CMYA5: variants seen among roughly 807,000 people sequenced by gnomAD.
CMYA5 encodes cardiomyopathy-associated protein 5.
In CMYA5, 246 loss-of-function variants were observed where a neutral mutation model predicts 318.9. The ratio of observed to expected loss-of-function variants is 0.77; its 90% CI spans 0.70 to 0.86. The LOEUF (loss-of-function observed/expected upper bound fraction) is 0.86, where lower values mean the gene tolerates loss of function less well. Among genes scored for constraint, CMYA5 ranks in the 40% least tolerant of loss-of-function variants. The probability of loss-of-function intolerance (pLI) is 0.00; values close to 1 mark genes in which losing one functional copy is unlikely to be tolerated. For synonymous variants in CMYA5, 1,641 were observed against 1,729.5 expected, an observed-to-expected ratio of 0.95 and a Z score of 1.27; for missense variants, 4,589 against 4,678.2, an observed-to-expected ratio of 0.98 and a Z score of 0.56.
At chr5:79,792,152 C>A (rs1340296230) in intron 11 of CMYA5, among the ~76,000 whole-genome samples, 1 of 152,178 alleles carries the variant, frequency 6.6e-6, no homozygotes, top group African/African-American at 2.4e-5. Flanking sequence ...GACCCTGGCA[C>A]CCTTTGATCT....
At position 79,751,296 on chromosome 5, in the gene CMYA5, C is replaced by T. The variant is rs926636253; in HGVS notation, c.10992-1380C>T. Among the ~76,000 whole-genome samples the T allele has an allele frequency of 7.2e-5, 11 of 152,184 alleles. No individual in the cohort carries two copies. In the East Asian group the frequency reaches 1.2e-3, roughly 16 times the overall value. The stretch of plus-strand genomic sequence containing the variant: ...GACTGTCTGTGTTTCCCAACTCCCA[C>T]GGTGCCCTCTGGCCCTCGAATGTGC... On this transcript the variant is annotated intron_variant, in intron 5 of 12. Transcript: ENST00000446378.
Position 79,730,186 on chromosome 5 carries a change from C to A in CMYA5, c.1421C>A (p.Thr474Asn). ...ERAEPVSAKL[T>N]PTHPSVKGEK... ...GCAGAACCAGTCTCCGCAAAACTGA[C>A]CCCTACCCATCCCAGTGTCAAAGGA... is the stretch of plus-strand genomic sequence containing the variant. The change falls in exon 2 of 13, where the codon ACC (threonine) becomes AAC (asparagine). Residue 474 changes from threonine to asparagine, a missense_variant. Coordinates refer to ENST00000446378, the MANE Select transcript of CMYA5 (RefSeq NM_153610.5). 1 of 1,613,942 alleles carries A rather than the reference C, an allele frequency of 6.2e-7. No homozygotes were observed. Among genetic ancestry groups the A allele is most frequent in the Non-Finnish European group, 8.5e-7 (1 of 1,179,870 alleles).
Position 79,738,587 on chromosome 5 carries a change from A to C in CMYA5, c.9822A>C (p.Gln3274His), listed in dbSNP as rs1828140201. The C allele has an allele frequency of 6.2e-7, 1 of 1,613,696 alleles. No homozygotes were observed. The highest frequency in any genetic ancestry group is 8.5e-7 in the Non-Finnish European group (1 of 1,179,856). Reference sequence around the variant, plus strand: ...GAGTTGGTAAGGATGATTCATACCAACCGATAGCTGCAGAAGGGGAAATTT... The same window carrying C: ...GAGTTGGTAAGGATGATTCATACCACCCGATAGCTGCAGAAGGGGAAATTT... The part of the protein sequence containing the change: ...EKRVGKDDSY[Q>H]PIAAEGEIWG... The change falls in exon 2 of 13, where the codon CAA (glutamine) becomes CAC (histidine). Residue 3274 changes from glutamine (Q) to histidine (H), a missense_variant. Coordinates refer to ENST00000446378, the MANE Select transcript of CMYA5 (RefSeq NM_153610.5).
chr5:79,785,018 C>CT (rs75314718), intron 9 of CMYA5, among the ~76,000 whole-genome samples: 1,507 of 141,692 alleles, frequency 0.011, 8 homozygotes, highest in Non-Finnish European at 0.015. Context: ...GGAAATCCTA[C>CT]TTTTTTTTTT....
chr5:79,745,234 A>G lies in CMYA5; in HGVS notation c.10747A>G (p.Lys3583Glu), dbSNP rs12514461. 170,745 of 1,574,492 alleles carry G rather than the reference A, an allele frequency of 0.11. 9,733 individuals are homozygous for G. Among genetic ancestry groups the G allele is most frequent in the Admixed American group, 0.14 (7,629 of 53,574 alleles). Reference sequence around the variant, plus strand: ...TGTTTGTTTTCAGGAAAACTGTAGTAAAAATGAGAAAAGGCTAGAAGAACA... The same window carrying G: ...TGTTTGTTTTCAGGAAAACTGTAGTGAAAATGAGAAAAGGCTAGAAGAACA... ...FFNTIEENCS[K>E]NEKRLEEQNE... is the part of the protein sequence containing the mutation. Residue 3583 changes from lysine (K) to glutamate (E), a missense_variant, in exon 4 of 13, where the codon AAA (lysine) becomes GAA (glutamate). By Grantham distance (56) the Lys-to-Glu change is moderately conservative. Around this residue, in one of 3 missense-constraint regions of CMYA5, gnomAD observed 2,431 missense variants for 2,495.1 expected, o/e 0.97. Transcript: ENST00000446378.
chr5:79,733,038 T>C lies in CMYA5; in HGVS notation c.4273T>C (p.Ser1425Pro). 1 of 1,613,372 alleles carries C rather than the reference T, an allele frequency of 6.2e-7. No homozygotes were observed. The highest frequency in any genetic ancestry group is 8.5e-7 in the Non-Finnish European group (1 of 1,179,650). ...AGACAAGGTGGCAATTAAAGGTGCT[T>C]CTCCCATTGAAACTTCATCCAAACA... ...EEDKVAIKGA[S>P]PIETSSKHLA... The change falls in exon 2 of 13, where the codon TCT (serine) becomes CCT (proline). Residue 1425 changes from serine (S) to proline (P), a missense_variant. By Grantham distance (74) the Ser-to-Pro change is moderately conservative. Around this residue, in one of 3 missense-constraint regions of CMYA5, gnomAD observed 2,132 missense variants for 2,131.3 expected, o/e 1.00. Coordinates refer to ENST00000446378, the MANE Select transcript of CMYA5 (RefSeq NM_153610.5).
At position 79,729,713 on chromosome 5, in the gene CMYA5, A is replaced by T. The variant is rs1827832442; in HGVS notation, c.948A>T (p.Leu316Phe). The change falls in exon 2 of 13, where the codon TTA (leucine) becomes TTT (phenylalanine). Residue 316 changes from leucine (L) to phenylalanine (F), a missense_variant. This residue lies in a region of CMYA5 where 2,132 missense variants were observed against 2,131.3 expected (regional missense o/e 1.00). Transcript: ENST00000446378. ...CCAAAGGATCAGAGTCCCTAACCTT[A>T]ATGTTCAGTCATGAAGATCAAAAGA... is the stretch of plus-strand genomic sequence containing the variant. ...ALSKGSESLT[L>F]MFSHEDQKKI... The T allele has an allele frequency of 1.2e-6, 2 of 1,613,906 alleles. No individual in the cohort carries two copies. Among genetic ancestry groups the T allele is most frequent in the East Asian group, 4.5e-5 (2 of 44,874 alleles).
Position 79,739,406 on chromosome 5 carries a change from A to C in CMYA5, c.10638+3A>C. ...ACACAGCTATAAGTGCTGTAAAGGT[A>C]AATAGATGTTGAACACACATAATTA... On this transcript the variant is annotated splice_donor_region_variant and intron_variant, in intron 2 of 12. Transcript: ENST00000446378. 2 of 1,498,542 alleles carry C rather than the reference A, an allele frequency of 1.3e-6. No individual in the cohort carries two copies. Among genetic ancestry groups the C allele is most frequent in the Non-Finnish European group, 1.8e-6 (2 of 1,126,074 alleles). 92.8% of individuals were successfully genotyped at this position (1,498,542 alleles called of 1,614,324 possible).
rs1054187028 is a variant in CMYA5 at position 79,733,462 on chromosome 5, C to G, written c.4697C>G (p.Thr1566Arg). 13 of 1,613,794 alleles carry G rather than the reference C, an allele frequency of 8.1e-6. No individual in the cohort carries two copies. The African/African-American group carries it at 1.7e-4, about 22-fold the overall frequency. Residue 1566 changes from threonine to arginine, a missense_variant, in exon 2 of 13, where the codon ACA becomes AGA. Thr to Arg is a moderately conservative substitution (Grantham distance 71). Around this residue, in one of 3 missense-constraint regions of CMYA5, gnomAD observed 2,132 missense variants for 2,131.3 expected, o/e 1.00. Transcript: ENST00000446378. ...ATCCCAAAAGGCAAAGATGAGGAAA[C>G]AGCAAGTTCATCTCCTGAGTTGGAA... is the stretch of plus-strand genomic sequence containing the variant. The part of the protein sequence containing the change: ...HIIPKGKDEE[T>R]ASSSPELENL...
At chr5:79,699,658 G>A (rs1265084727) in intron 1 of CMYA5, among the ~76,000 whole-genome samples, 4 of 152,158 alleles carry the variant, frequency 2.6e-5, no homozygotes, top group East Asian at 1.9e-4. Context: ...GGAGTGAACC[G>A]AGGGTATCAC....
chr5:79,774,758 G>A (rs1159227968), intron 9 of CMYA5, among the ~76,000 whole-genome samples: 1 of 152,190 alleles, frequency 6.6e-6, no homozygotes, highest in Non-Finnish European at 1.5e-5. Context: ...CCACCTGGTG[G>A]AGCAGGAACA....
At chr5:79,785,418 C>T (rs868257690) in intron 9 of CMYA5, among the ~76,000 whole-genome samples, 1 of 151,922 alleles carries the variant, frequency 6.6e-6, no homozygotes, top group Non-Finnish European at 1.5e-5. Context: ...TTGCATTTTC[C>T]TATCCAAGAA....
intron 1 of CMYA5, among the ~76,000 whole-genome samples, chr5:79,720,978 C>T (rs553219437): frequency 1.9e-4 from 29 of 152,164 alleles, no homozygotes; most frequent in African/African-American, 6.3e-4. Context: ...TTATATCTCA[C>T]GTGGCTTAAC....
In CMYA5 at chr5:79,729,223, G is replaced by T. The variant is rs554686825; in HGVS notation, c.458G>T (p.Arg153Ile). The T allele has an allele frequency of 8.1e-6, 13 of 1,612,794 alleles. No individual in the cohort carries two copies. The African/African-American group carries it at 1.3e-4, about 17-fold the overall frequency. ...TTACGCCGGAAAGGCAACAGAAAAAGAAATTCTTTTGAATCCCAAGATGTT... is the reference window on the plus strand; with the variant it reads ...TTACGCCGGAAAGGCAACAGAAAAATAAATTCTTTTGAATCCCAAGATGTT... ...PSLRRKGNRK[R>I]NSFESQDVPT... Residue 153 changes from arginine to isoleucine, a missense_variant, in exon 2 of 13, where the codon AGA becomes ATA. By Grantham distance (97) the Arg-to-Ile change is moderately conservative. Transcript: ENST00000446378.
chr5:79,748,319 G>C (rs184757369), intron 5 of CMYA5, among the ~76,000 whole-genome samples: 1 of 152,240 alleles, frequency 6.6e-6, no homozygotes, highest in Admixed American at 6.5e-5. Context: ...CACACTGGCT[G>C]TGCCTAAATC....
At chr5:79,791,556 A>G (rs189382819) in intron 11 of CMYA5, among the ~76,000 whole-genome samples, 78 of 152,106 alleles carry the variant, frequency 5.1e-4, no homozygotes, top group African/African-American at 1.8e-3. Context: ...CTCCATCTCT[A>G]CTAAAAATAC....
chr5:79,770,408 G>A (rs1828832793), intron 9 of CMYA5, among the ~76,000 whole-genome samples: 1 of 13,252 alleles, frequency 7.5e-5, no homozygotes, highest in East Asian at 2.6e-3. Context: ...CCGGTTTTGT[G>A]CTTGAAACCC....
chr5:79,784,612 G>A (rs1257329417), intron 9 of CMYA5, among the ~76,000 whole-genome samples: 2 of 88,404 alleles, frequency 2.3e-5, no homozygotes, highest in East Asian at 3.1e-4. Context: ...GTGGGATATA[G>A]TCTCGTGGTG....
chr5:79,717,661 G>A (rs1019256144), intron 1 of CMYA5, among the ~76,000 whole-genome samples: 2 of 152,180 alleles, frequency 1.3e-5, no homozygotes, highest in Non-Finnish European at 2.9e-5. Context: ...GTTTCAAATA[G>A]TAGAGGGCCC....
Sources: allele counts gnomAD v4.1 joint callset (sites outside exome capture counted in the v4.1 genomes callset), GRCh38; gene constraint gnomAD v4.1.1; regional missense constraint gnomAD v4.1.1; transcripts MANE v1.5; gene names NCBI Gene and HGNC (gene_info 2026-07-23, HGNC 2026-07-21).